Variants in MALRD1 observed in about 807,000 individuals in gnomAD.
MALRD1 encodes MAM and LDL receptor class A domain containing 1.
In MALRD1, 247 loss-of-function variants were observed where a neutral mutation model predicts 242.1. That is an observed-to-expected ratio of 1.02 (90% CI 0.92 to 1.13). MALRD1 has a LOEUF of 1.13. MALRD1 is among the 50% of genes most tolerant of loss of function. The pLI is 0.00. For missense variants in MALRD1, 2,989 were observed against 2,533.1 expected, an observed-to-expected ratio of 1.18 and a Z score of -3.86; for synonymous variants, 995 against 866.6, an observed-to-expected ratio of 1.15 and a Z score of -2.60.
intron 36 of MALRD1, among the ~76,000 whole-genome samples, chr10:19,652,423 A>T (rs2131709008): frequency 6.6e-6 from 1 of 152,334 alleles, no homozygotes; most frequent in South Asian, 2.1e-4. Context: ...GAGGCATGGA[A>T]GGTGAAATTT....
chr10:19,532,051 T>C (rs1312574329), intron 32 of MALRD1, among the ~76,000 whole-genome samples: 1 of 152,198 alleles, frequency 6.6e-6, no homozygotes, highest in African/African-American at 2.4e-5. Context: ...CCTCTGTAAA[T>C]AATAGCAGCT....
intron 18 of MALRD1, among the ~76,000 whole-genome samples, chr10:19,227,513 A>T (rs922299909): frequency 6.6e-6 from 1 of 152,130 alleles, no homozygotes; most frequent in African/African-American, 2.4e-5. Flanking sequence ...AAAAAGTATA[A>T]AGCTTACTGA....
chr10:19,067,277 T>A (rs1465056404), intron 2 of MALRD1, among the ~76,000 whole-genome samples: 1 of 152,174 alleles, frequency 6.6e-6, no homozygotes, highest in Non-Finnish European at 1.5e-5. Context: ...TTTAATCAAG[T>A]TGACTAGAAA....
chr10:19,345,816 C>A (rs994240218), intron 24 of MALRD1, among the ~76,000 whole-genome samples: 17 of 149,730 alleles, frequency 1.1e-4, no homozygotes, highest in Admixed American at 6.6e-4. Context: ...AGCCCTTTTT[C>A]TTTATTGTAC....
chr10:19,125,469 T>A (rs1384607218), intron 7 of MALRD1, among the ~76,000 whole-genome samples: 1 of 150,786 alleles, frequency 6.6e-6, no homozygotes, highest in Non-Finnish European at 1.5e-5. Context: ...CTGTTGTCAA[T>A]GAGTTTCTTC....
chr10:19,206,834 C>T (rs181151334), intron 17 of MALRD1, among the ~76,000 whole-genome samples: 5 of 152,294 alleles, frequency 3.3e-5, no homozygotes, highest in East Asian at 3.9e-4. Context: ...TTTGCTTTAG[C>T]GTCAGTTTTA....
chr10:19,408,044 A>T (rs979415003), intron 28 of MALRD1, among the ~76,000 whole-genome samples: 1 of 152,138 alleles, frequency 6.6e-6, no homozygotes, highest in Non-Finnish European at 1.5e-5. Context: ...AGGCTTTATT[A>T]TATTATGGGT....
chr10:19,624,993 G>C (rs555567759), intron 36 of MALRD1, among the ~76,000 whole-genome samples: 4 of 151,820 alleles, frequency 2.6e-5, no homozygotes, highest in Non-Finnish European at 5.9e-5. Flanking sequence ...TTGAGCCCAG[G>C]CTGTAGTGAG....
chr10:19,204,535 G>A, intron 16 of MALRD1, 122 bp downstream of exon 16: 2 of 661,916 alleles, frequency 3.0e-6, no homozygotes, highest in South Asian at 4.6e-5. Context: ...TCTAAAAATA[G>A]TATTGCATTA....
chr10:19,449,449 A>T (rs1301723446), intron 28 of MALRD1, among the ~76,000 whole-genome samples: 2 of 152,244 alleles, frequency 1.3e-5, no homozygotes, highest in Non-Finnish European at 2.9e-5. Context: ...TGGTGTCTCT[A>T]AAAATTCCAA....
At chr10:19,231,417 G>A (rs531532485) in intron 18 of MALRD1, among the ~76,000 whole-genome samples, 1 of 152,248 alleles carries the variant, frequency 6.6e-6, no homozygotes, top group East Asian at 1.9e-4. Context: ...ATTAGGTTCT[G>A]GACATAACCC....
At chr10:19,054,526 C>G (rs747712368) in intron 1 of MALRD1, among the ~76,000 whole-genome samples, 1 of 152,072 alleles carries the variant, frequency 6.6e-6, no homozygotes, top group Non-Finnish European at 1.5e-5. Context: ...CTTATCTATC[C>G]GAAACTTTGT....
At chr10:19,145,462 A>G (rs1015333770) in intron 10 of MALRD1, among the ~76,000 whole-genome samples, 3 of 152,054 alleles carry the variant, frequency 2.0e-5, no homozygotes, top group Non-Finnish European at 2.9e-5. Context: ...TGGCCAACGT[A>G]GTGAAACACT....
intron 38 of MALRD1, among the ~76,000 whole-genome samples, chr10:19,713,550 T>A (rs1334845737): frequency 6.6e-6 from 1 of 152,266 alleles, no homozygotes; most frequent in Non-Finnish European, 1.5e-5. Flanking sequence ...TGTCAACTTT[T>A]AATTGTCTGA....
chr10:19,151,812 A>G (rs1204718114), intron 11 of MALRD1, among the ~76,000 whole-genome samples: 1 of 152,174 alleles, frequency 6.6e-6, no homozygotes, highest in Non-Finnish European at 1.5e-5. Context: ...TCTATAAGGT[A>G]AATTGATTTT....
At chr10:19,523,572 T>C (rs1358173348) in intron 31 of MALRD1, among the ~76,000 whole-genome samples, 1 of 152,198 alleles carries the variant, frequency 6.6e-6, no homozygotes, top group Admixed American at 6.5e-5. Flanking sequence ...TCCAAAGGCA[T>C]CTTGACAAAT....
rs751320565 is a variant in MALRD1, at chr10:19,146,324, A to C, written c.1538A>C (p.His513Pro). The C allele has an allele frequency of 7.6e-5, 94 of 1,231,484 alleles. No homozygotes were observed. Among genetic ancestry groups the C allele is most frequent in the Non-Finnish European group, 8.4e-5 (83 of 987,878 alleles). The allele number at this position is 1,231,484 out of a possible 1,614,324, so 76.3% of individuals were successfully genotyped here. The change falls in exon 11 of 40, where the codon CAC (histidine) becomes CCC (proline). Residue 513 changes from histidine (H) to proline (P), a missense_variant. Transcript: ENST00000454679. ...GAGCACCACTTTCCTGCAGCTGATC[A>C]CACAGCAAACATAAATCATGGTAGG... ...NGEHHFPAAD[H>P]TANINHGSFI...
chr10:19,602,889 TA>T (rs1838429993), intron 34 of MALRD1, among the ~76,000 whole-genome samples: 1 of 152,166 alleles, frequency 6.6e-6, no homozygotes, highest in Non-Finnish European at 1.5e-5. Context: ...ATCGCCATTC[TA>T]ACTGGTGTGA....
At chr10:19,410,805 A>G (rs2130883528) in intron 28 of MALRD1, among the ~76,000 whole-genome samples, 1 of 152,038 alleles carries the variant, frequency 6.6e-6, no homozygotes, top group East Asian at 1.9e-4. Context: ...CATTTAGCTT[A>G]TTGGATAGTG....
Sources: gnomAD v4.1 joint callset for allele counts (sites outside exome capture counted in the v4.1 genomes callset) on GRCh38, gnomAD v4.1.1 for gene constraint, MANE v1.5 for transcripts, NCBI Gene and HGNC (gene_info 2026-07-23, HGNC 2026-07-21) for gene names.